TMEM132C: variants seen among roughly 807,000 people sequenced by gnomAD.
TMEM132C encodes transmembrane protein 132C.
Under a neutral mutation model 61.4 loss-of-function variants are expected in TMEM132C, and 29 were observed. The ratio of observed to expected loss-of-function variants is 0.47; its 90% CI spans 0.35 to 0.64. TMEM132C has a LOEUF of 0.64. Among genes scored for constraint, TMEM132C ranks in the 30% least tolerant of loss-of-function variants. The probability of loss-of-function intolerance (pLI) is 0.00; values close to 1 mark genes in which losing one functional copy is unlikely to be tolerated. For synonymous variants in TMEM132C, 656 were observed against 633.1 expected (o/e 1.04, Z -0.54); for missense variants, 1,408 against 1,476.9 (o/e 0.95, Z 0.76).
At chr12:128,499,848 A>G (rs1872098468) in intron 2 of TMEM132C, among the ~76,000 whole-genome samples, 1 of 152,188 alleles carries the variant, frequency 6.6e-6, no homozygotes, top group African/African-American at 2.4e-5. Context: ...TGCAATAAAC[A>G]TGGGGGTGCA....
At chr12:128,294,983 A>ATAG (rs1323825646) in intron 1 of TMEM132C, among the ~76,000 whole-genome samples, 1 of 151,818 alleles carries the variant, frequency 6.6e-6, no homozygotes, top group African/African-American at 2.4e-5. Flanking sequence ...TAAATAAATA[A>ATAG]ATAATAGATA....
rs139232495 is a variant in TMEM132C, at chr12:128,437,050, A to G, written c.974+21430A>G. ...TCTGAGCAAACTATCACAAGGACAG[A>G]AAACCAGACACCACATGTTCTCAAT... On this transcript the variant is annotated intron_variant, in intron 2 of 8. Coordinates refer to ENST00000435159, the MANE Select transcript of TMEM132C (RefSeq NM_001136103.3). Among the ~76,000 whole-genome samples the G allele has an allele frequency of 5.2e-3, 794 of 152,332 alleles. 34 individuals are homozygous for G. In the East Asian group the frequency reaches 0.14, roughly 26 times the overall value.
intron 3 of TMEM132C, among the ~76,000 whole-genome samples, chr12:128,592,672 G>A (rs1395702350): frequency 1.3e-5 from 2 of 152,244 alleles, no homozygotes; most frequent in Admixed American, 1.3e-4. Context: ...TGGCCTGTCA[G>A]AACAGCCACG....
chr12:128,424,597 G>T (rs1869115524), intron 2 of TMEM132C, among the ~76,000 whole-genome samples: 1 of 152,200 alleles, frequency 6.6e-6, no homozygotes, highest in East Asian at 1.9e-4. Flanking sequence ...GGGAGTGATT[G>T]CCAATGGGTT....
At chr12:128,699,708 A>G (rs566384983) in intron 8 of TMEM132C, among the ~76,000 whole-genome samples, 1 of 152,322 alleles carries the variant, frequency 6.6e-6, no homozygotes, top group African/African-American at 2.4e-5. Flanking sequence ...TGTGCCATGT[A>G]ACAATATAAC....
At position 128,506,084 on chromosome 12, in the gene TMEM132C, A is replaced by T. The variant is rs948903263; in HGVS notation, c.975-37873A>T. 2.6e-5 allele frequency among the ~76,000 whole-genome samples: 4 copies of T among 152,148 alleles called. No individual in the cohort carries two copies. In the East Asian group the frequency reaches 7.7e-4, roughly 29 times the overall value. The stretch of plus-strand genomic sequence containing the variant: ...CAAGCCTGGATATAAGCAGTTCATG[A>T]TGCAGCCAGCAGCCCCACTCGTTCT... On this transcript the variant is annotated intron_variant, in intron 2 of 8. Coordinates refer to ENST00000435159, the MANE Select transcript of TMEM132C (RefSeq NM_001136103.3).
intron 1 of TMEM132C, among the ~76,000 whole-genome samples, chr12:128,316,529 A>AC (rs1565899169): frequency 1.3e-5 from 2 of 152,180 alleles, no homozygotes; most frequent in Non-Finnish European, 2.9e-5. Context: ...TTTGGTGGAA[A>AC]CCAGGCTTTG....
chr12:128,472,692 G>A (rs1289954662), intron 2 of TMEM132C, among the ~76,000 whole-genome samples: 1 of 152,212 alleles, frequency 6.6e-6, no homozygotes, highest in Non-Finnish European at 1.5e-5. Context: ...CACCTGGGTT[G>A]GGGACTCTGT....
chr12:128,607,940 A>G (rs7313585), intron 3 of TMEM132C, among the ~76,000 whole-genome samples: 11,292 of 152,132 alleles, frequency 0.074, 972 homozygotes, highest in East Asian at 0.21. Flanking sequence ...GCTCTCCCAT[A>G]TGCTGCAGCA....
intron 3 of TMEM132C, among the ~76,000 whole-genome samples, chr12:128,563,483 G>T (rs893083416): frequency 1.3e-5 from 2 of 152,180 alleles, no homozygotes. Flanking sequence ...TATTTAAGGC[G>T]ACCATTGCCA....
At chr12:128,526,801 T>TGAGAACA (rs1342606065) in intron 2 of TMEM132C, among the ~76,000 whole-genome samples, 1 of 151,862 alleles carries the variant, frequency 6.6e-6, no homozygotes, top group Non-Finnish European at 1.5e-5. Flanking sequence ...GAGGGAACAG[T>TGAGAACA]GAGAACAAGG....
Position 128,663,199 on chromosome 12 carries a change from C to T in TMEM132C, c.1306-6218C>T, listed in dbSNP as rs530090804. Among the ~76,000 whole-genome samples the T allele has an allele frequency of 2.5e-4, 38 of 152,320 alleles. 1 individual carries two copies. The highest frequency in any genetic ancestry group is 8.4e-4 in the African/African-American group (35 of 41,572). Reference sequence around the variant, plus strand: ...ATCATCCCTATCTAATTTCAGAACACGTGCATCACCACAAAAGGAGACGTC... The same window carrying T: ...ATCATCCCTATCTAATTTCAGAACATGTGCATCACCACAAAAGGAGACGTC... On this transcript the variant is annotated intron_variant, in intron 4 of 8. Transcript: ENST00000435159.
At chr12:128,535,711 ACAAAAAATTAAT>A (rs1164653953) in intron 2 of TMEM132C, among the ~76,000 whole-genome samples, 3 of 152,162 alleles carry the variant, frequency 2.0e-5, no homozygotes, top group African/African-American at 7.2e-5. Context: ...TACTAAACGT[ACAAAAAATTAAT>A]CAGGCATGGT....
intron 5 of TMEM132C, among the ~76,000 whole-genome samples, chr12:128,672,445 G>A (rs1954541832): frequency 6.6e-6 from 1 of 152,160 alleles, no homozygotes; most frequent in Admixed American, 6.5e-5. Context: ...TGTATACATA[G>A]CAATCCTTAA....
chr12:128,397,064 GC>G (rs1362679769), intron 1 of TMEM132C, among the ~76,000 whole-genome samples: 4 of 152,126 alleles, frequency 2.6e-5, no homozygotes, highest in African/African-American at 7.2e-5. Context: ...CCAATCAGGT[GC>G]CCCCACCATA....
Position 128,267,399 on chromosome 12 carries a change from C to A in TMEM132C, c.-4C>A, listed in dbSNP as rs1389915485. 7 of 1,179,780 alleles carry A rather than the reference C, an allele frequency of 5.9e-6. No individual in the cohort carries two copies. The East Asian group carries it at 2.2e-4, about 37-fold the overall frequency. 73.1% of individuals were successfully genotyped at this position (1,179,780 alleles called of 1,614,324 possible). A position where few individuals can be genotyped will look rare whatever the true frequency, so the allele number is the denominator to read the frequency against. ...GCGGGCTGCGTGAGCGGCCGGGACG[C>A]AGGATGCGCTCCGAGGGTGCGGCCC... On this transcript the variant is annotated 5_prime_UTR_variant, in exon 1 of 9. Coordinates refer to ENST00000435159, the MANE Select transcript of TMEM132C (RefSeq NM_001136103.3).
At chr12:128,280,855 A>G (rs1264502107) in intron 1 of TMEM132C, among the ~76,000 whole-genome samples, 1 of 152,102 alleles carries the variant, frequency 6.6e-6, no homozygotes, top group African/African-American at 2.4e-5. Flanking sequence ...TGAACCATTC[A>G]ACCCAGTCAA....
intron 2 of TMEM132C, among the ~76,000 whole-genome samples, chr12:128,540,574 G>A (rs184184747): frequency 2.0e-5 from 3 of 152,260 alleles, no homozygotes; most frequent in East Asian, 1.9e-4. Context: ...TCTTAAACAC[G>A]GATATTCTTT....
intron 2 of TMEM132C, among the ~76,000 whole-genome samples, chr12:128,483,152 C>T (rs2136092857): frequency 1.3e-5 from 2 of 149,912 alleles, no homozygotes; most frequent in Middle Eastern, 6.8e-3. Context: ...CCTGTAGTCC[C>T]AGCTGCTTGG....
Sources: gnomAD v4.1 joint callset for allele counts (sites outside exome capture counted in the v4.1 genomes callset) on GRCh38, gnomAD v4.1.1 for gene constraint, MANE v1.5 for transcripts, NCBI Gene and HGNC (gene_info 2026-07-23, HGNC 2026-07-21) for gene names.